ASAP3: variants seen among roughly 807,000 people sequenced by gnomAD.
The protein encoded by ASAP3 is arf-GAP with SH3 domain, ANK repeat and PH domain-containing protein 3.
Under a neutral mutation model 118.2 loss-of-function variants are expected in ASAP3, and 85 were observed. The ratio of observed to expected loss-of-function variants is 0.72; its 90% CI spans 0.60 to 0.86. ASAP3 has a LOEUF of 0.86. Ranked by LOEUF, ASAP3 falls within the 40% of genes least tolerant of loss-of-function variation. The pLI is 0.00. For missense variants in ASAP3, 1,026 were observed against 1,175.0 expected, an observed-to-expected ratio of 0.87 and a Z score of 1.85; for synonymous variants, 432 against 477.4, an observed-to-expected ratio of 0.90 and a Z score of 1.24.
Position 23,433,271 on chromosome 1 carries a change from C to T in ASAP3, c.2129G>A (p.Arg710His), listed in dbSNP as rs538117231. The T allele has an allele frequency of 6.9e-6, 11 of 1,605,808 alleles. No homozygotes were observed. The East Asian group carries it at 8.9e-5, about 13-fold the overall frequency. The change falls in exon 22 of 25, where the codon CGC becomes CAC. Residue 710 changes from arginine (R) to histidine (H), a missense_variant and splice_region_variant. By Grantham distance (29) the Arg-to-His change is conservative. Coordinates refer to ENST00000336689, the MANE Select transcript of ASAP3 (RefSeq NM_017707.4). ...CTGGGCCGGGAGCTTCAGCAAGCAG[C>T]GCTGCCAGAGCAAAAGATTGAGGAT... ...SDSEEDEEEK[R>H]CLLKLPAQAH...
chr1:23,437,394 G>A lies in ASAP3; in HGVS notation c.1151+30C>T. On this transcript the variant is annotated intron_variant, in intron 13 of 24. Coordinates refer to ENST00000336689, the MANE Select transcript of ASAP3 (RefSeq NM_017707.4). The surrounding 1 kb of genome is among the most constrained non-coding windows in gnomAD (Gnocchi z 6.1). ...AGGGCCGCCGGCCCCCACCCACAAGGCTGGCCGGGCTGGCCGAGGGGGCAC... is the reference window on the plus strand; with the variant it reads ...AGGGCCGCCGGCCCCCACCCACAAGACTGGCCGGGCTGGCCGAGGGGGCAC... 6.2e-7 allele frequency: 1 copy of A among 1,612,658 alleles called. No homozygotes were observed. The highest frequency in any genetic ancestry group is 1.3e-5 in the African/African-American group (1 of 75,018).
intron 1 of ASAP3, among the ~76,000 whole-genome samples, chr1:23,461,414 T>C (rs1359398892): frequency 6.6e-6 from 1 of 152,136 alleles, no homozygotes; most frequent in Non-Finnish European, 1.5e-5. Flanking sequence ...CTCACGGCTG[T>C]AATCTCACAC....
chr1:23,436,680 G>T lies in ASAP3; in HGVS notation c.1477-26C>A, dbSNP rs765507876. On this transcript the variant is annotated intron_variant, in intron 15 of 24. Transcript: ENST00000336689. The surrounding 1 kb of genome is among the most constrained non-coding windows in gnomAD (Gnocchi z 4.2). The stretch of plus-strand genomic sequence containing the variant: ...CTGGAGTCGTAGGAAAATAGACGTG[G>T]GGCGGAGTAAGACCGGGCGGTTAAG... 6 of 1,613,374 alleles carry T rather than the reference G, an allele frequency of 3.7e-6. No homozygotes were observed. The African/African-American group carries it at 8.0e-5, about 22-fold the overall frequency.
intron 1 of ASAP3, among the ~76,000 whole-genome samples, chr1:23,463,660 G>A (rs1641667734): frequency 6.6e-6 from 1 of 152,074 alleles, no homozygotes; most frequent in African/African-American, 2.4e-5. Context: ...GGAGTGCAAT[G>A]GCACAATCTC....
rs16828486 is a variant in ASAP3 at position 23,437,445 on chromosome 1, T to G, written c.1130A>C (p.Glu377Ala). 8,696 of 1,614,086 alleles carry G rather than the reference T, an allele frequency of 5.4e-3. 410 individuals are homozygous for G. The African/African-American group carries it at 0.1, about 19-fold the overall frequency. ...THNRTYHFQAEDEHECEAWVS... is the reference protein window; with the variant it reads ...THNRTYHFQAADEHECEAWVS... ...TCACGCCTCACACTCGTGCTCGTCC[T>G]CTGCCTGAAAGTGGTACGTCCGGTT... is the stretch of plus-strand genomic sequence containing the variant. The change falls in exon 13 of 25, where the codon GAG becomes GCG. Residue 377 changes from glutamate (E) to alanine (A), a missense_variant. Coordinates refer to ENST00000336689, the MANE Select transcript of ASAP3 (RefSeq NM_017707.4). This position sits in a 1 kb window ranked among gnomAD's most constrained non-coding sequence, Gnocchi z 6.1.
At chr1:23,430,718 G>A (rs1640396433) in intron 24 of ASAP3, among the ~76,000 whole-genome samples, 1 of 152,170 alleles carries the variant, frequency 6.6e-6, no homozygotes, top group Non-Finnish European at 1.5e-5. Flanking sequence ...TCAAGGCCTG[G>A]GCTCTCCTCA....
chr1:23,429,876 C>T lies in ASAP3; in HGVS notation c.2692G>A (p.Val898Met). 1 of 1,613,956 alleles carries T rather than the reference C, an allele frequency of 6.2e-7. No individual in the cohort carries two copies. Among genetic ancestry groups the T allele is most frequent in the South Asian group, 1.1e-5 (1 of 91,006 alleles). The stretch of plus-strand genomic sequence containing the variant: ...AGGAGCTAGTCTTGCAAAAGTTGCA[C>T]AGAACTTGCTGGGAGACTCCCAGTC... ...SRTGSLPASS[V>M]QLLQD The change falls in exon 25 of 25, where the codon GTG becomes ATG. Residue 898 changes from valine (V) to methionine (M), a missense_variant. Physicochemically the swap from Val to Met is conservative, Grantham distance 21. Coordinates refer to ENST00000336689, the MANE Select transcript of ASAP3 (RefSeq NM_017707.4).
At chr1:23,442,873 T>C (rs1640923296) in intron 5 of ASAP3, among the ~76,000 whole-genome samples, 1 of 151,936 alleles carries the variant, frequency 6.6e-6, no homozygotes, top group African/African-American at 2.4e-5. Flanking sequence ...AGTTGGGAAG[T>C]GATGTCTGAG....
intron 3 of ASAP3, among the ~76,000 whole-genome samples, chr1:23,453,691 C>T (rs1402685454): frequency 6.6e-6 from 1 of 152,148 alleles, no homozygotes; most frequent in African/African-American, 2.4e-5. Context: ...TGGGTCTCTC[C>T]TCCTCCAGGA....
At chr1:23,473,456 C>G (rs1360609673) in intron 1 of ASAP3, among the ~76,000 whole-genome samples, 1 of 152,236 alleles carries the variant, frequency 6.6e-6, no homozygotes, top group Non-Finnish European at 1.5e-5. Context: ...AGAAGCCACT[C>G]ACTGTTCCCC....
At position 23,431,017 on chromosome 1, in the gene ASAP3, T is replaced by TG; in HGVS notation, c.2637+17dup. 6.5e-7 allele frequency: 1 copy of TG among 1,539,374 alleles called. No individual in the cohort carries two copies. Among genetic ancestry groups the TG allele is most frequent in the Non-Finnish European group, 8.7e-7 (1 of 1,144,012 alleles). ...CACCCTGCCACCGCCCCTCAAACCA[T>TG]GGTCCCAGAGTTCCTACCGGCACGT... On this transcript the variant is annotated intron_variant, in intron 24 of 24. Coordinates refer to ENST00000336689, the MANE Select transcript of ASAP3 (RefSeq NM_017707.4).
chr1:23,434,007 G>T (rs1178801725), intron 19 of ASAP3, among the ~76,000 whole-genome samples: 1 of 152,180 alleles, frequency 6.6e-6, no homozygotes, highest in Non-Finnish European at 1.5e-5. Flanking sequence ...TTCAGATCTA[G>T]CTAATATTTA....
At chr1:23,481,520 T>C (rs1317825011) in intron 1 of ASAP3, among the ~76,000 whole-genome samples, 3 of 152,212 alleles carry the variant, frequency 2.0e-5, no homozygotes, top group South Asian at 4.1e-4. Flanking sequence ...CTCTAACTTT[T>C]TGGGCCCTGA....
At chr1:23,478,931 C>T (rs1467449054) in intron 1 of ASAP3, among the ~76,000 whole-genome samples, 1 of 152,146 alleles carries the variant, frequency 6.6e-6, no homozygotes, top group African/African-American at 2.4e-5. Context: ...GAGGAATCGC[C>T]ATAGATACTT....
At chr1:23,468,108 C>A (rs1046622007) in intron 1 of ASAP3, among the ~76,000 whole-genome samples, 1 of 152,042 alleles carries the variant, frequency 6.6e-6, no homozygotes, top group Middle Eastern at 3.2e-3. Flanking sequence ...GATGAGTCAG[C>A]GAGGCACAGA....
Position 23,437,570 on chromosome 1 carries a change from T to C in ASAP3, c.1103-98A>G, listed in dbSNP as rs1640723671. 2.1e-6 allele frequency: 3 copies of C among 1,461,610 alleles called. No homozygotes were observed. Among genetic ancestry groups the C allele is most frequent in the Middle Eastern group, 1.9e-4 (1 of 5,376 alleles). The allele number at this position is 1,461,610 out of a possible 1,614,324, so 90.5% of individuals were successfully genotyped here. On this transcript the variant is annotated intron_variant, in intron 12 of 24. Coordinates refer to ENST00000336689, the MANE Select transcript of ASAP3 (RefSeq NM_017707.4). This position sits in a 1 kb window ranked among gnomAD's most constrained non-coding sequence, Gnocchi z 6.1. ...CAAAGCCGCTGGGGCCACATGGAGA[T>C]GTGTCCCTGACAAGTCGGACTCTCA... is the stretch of plus-strand genomic sequence containing the variant.
intron 7 of ASAP3, 82 bp from the exon 8 acceptor site, chr1:23,441,812 G>C: frequency 2.7e-6 from 4 of 1,464,424 alleles, no homozygotes; most frequent in Non-Finnish European, 3.8e-6. Context: ...AGAAGCTGCC[G>C]TAAGGATCAC....
At chr1:23,449,166 G>A (rs1641135713) in intron 5 of ASAP3, among the ~76,000 whole-genome samples, 1 of 152,228 alleles carries the variant, frequency 6.6e-6, no homozygotes, top group Non-Finnish European at 1.5e-5. Flanking sequence ...CAGCAGATGT[G>A]TGGGTTTCTG....
intron 1 of ASAP3, among the ~76,000 whole-genome samples, chr1:23,481,764 A>G (rs747391057): frequency 1.1e-4 from 17 of 152,242 alleles, no homozygotes; most frequent in Non-Finnish European, 1.9e-4. Flanking sequence ...GGCCAGATGT[A>G]TGGGCATAAA....
Sources: allele counts gnomAD v4.1 joint callset (sites outside exome capture counted in the v4.1 genomes callset), GRCh38; gene constraint gnomAD v4.1.1; non-coding constraint Gnocchi (gnomAD v3.1); transcripts MANE v1.5; gene names NCBI Gene and HGNC (gene_info 2026-07-23, HGNC 2026-07-21).